CCDC85A: variants seen among roughly 807,000 people sequenced by gnomAD.
CCDC85A encodes coiled-coil domain containing 85A, also known as coiled-coil domain-containing protein 85A.
CCDC85A carries 38 observed loss-of-function variants against 50.2 expected under a neutral mutation model. That is an observed-to-expected ratio of 0.76 (90% CI 0.58 to 0.99). The LOEUF (loss-of-function observed/expected upper bound fraction) is 0.99. Ranked by LOEUF, CCDC85A falls within the 50% of genes least tolerant of loss-of-function variation. CCDC85A has a pLI of 0.00. For synonymous variants in CCDC85A, 366 were observed against 301.4 expected, an observed-to-expected ratio of 1.21 and a Z score of -2.22; for missense variants, 820 against 742.0, an observed-to-expected ratio of 1.11 and a Z score of -1.22.
intron 2 of CCDC85A, among the ~76,000 whole-genome samples, chr2:56,261,612 C>T (rs575292747): frequency 1.2e-3 from 183 of 152,246 alleles, no homozygotes; most frequent in Non-Finnish European, 2.0e-3. Flanking sequence ...TGGTAACATA[C>T]GCATGTCATG....
intron 3 of CCDC85A, among the ~76,000 whole-genome samples, chr2:56,362,137 A>G (rs568469235): frequency 2.6e-5 from 4 of 152,252 alleles, no homozygotes; most frequent in Non-Finnish European, 5.9e-5. Flanking sequence ...GAGACTATGC[A>G]GTGAATGGCA....
At chr2:56,271,917 C>T (rs1670718054) in intron 2 of CCDC85A, among the ~76,000 whole-genome samples, 1 of 152,058 alleles carries the variant, frequency 6.6e-6, no homozygotes, top group South Asian at 2.1e-4. Context: ...AGTCCTGTAC[C>T]ATTTGGATGT....
chr2:56,195,858 G>T (rs530860124), intron 2 of CCDC85A, among the ~76,000 whole-genome samples: 1 of 152,230 alleles, frequency 6.6e-6, no homozygotes, highest in East Asian at 1.9e-4. Context: ...AAACAAATGG[G>T]AAGTGTGTGT....
At position 56,375,856 on chromosome 2, in the gene CCDC85A, G is replaced by C. The variant is rs769536086; in HGVS notation, c.1493G>C (p.Ser498Thr). 6.2e-7 allele frequency: 1 copy of C among 1,613,748 alleles called. No homozygotes were observed. The highest frequency in any genetic ancestry group is 2.2e-5 in the East Asian group (1 of 44,866). The change falls in exon 5 of 6, where the codon AGT becomes ACT. Residue 498 changes from serine (S) to threonine (T), a missense_variant. Physicochemically the swap from Ser to Thr is moderately conservative, Grantham distance 58. Transcript: ENST00000407595. Reference sequence around the variant, plus strand: ...TCATCAGGGGCTGATGGGAGTAACAGTTCACCCAACTCTGCAGCTAGCTTC... The same window carrying C: ...TCATCAGGGGCTGATGGGAGTAACACTTCACCCAACTCTGCAGCTAGCTTC... Reference protein sequence around the residue: ...RLSSGADGSNSSPNSAASFSG... With the variant: ...RLSSGADGSNTSPNSAASFSG...
intron 2 of CCDC85A, among the ~76,000 whole-genome samples, chr2:56,207,524 C>T (rs1464975352): frequency 6.6e-6 from 1 of 152,152 alleles, no homozygotes; most frequent in Non-Finnish European, 1.5e-5. Flanking sequence ...ATGGATGGTC[C>T]CACATAACAT....
intron 2 of CCDC85A, among the ~76,000 whole-genome samples, chr2:56,254,297 G>T (rs1457402849): frequency 1.3e-5 from 2 of 152,134 alleles, no homozygotes. Context: ...TTTCTCTGGT[G>T]ATGCTGTGTC....
chr2:56,233,759 C>T (rs577418149), intron 2 of CCDC85A, among the ~76,000 whole-genome samples: 2 of 152,212 alleles, frequency 1.3e-5, no homozygotes, highest in Non-Finnish European at 1.5e-5. Context: ...AGAATGGCCT[C>T]TGTAACCAAT....
intron 5 of CCDC85A, 74 bp downstream of exon 5, chr2:56,376,009 C>G: frequency 6.6e-7 from 1 of 1,504,922 alleles, no homozygotes. Context: ...TCTAGTAGTC[C>G]TCACAGTCTT....
intron 3 of CCDC85A, among the ~76,000 whole-genome samples, chr2:56,364,486 T>G (rs1675691748): frequency 6.6e-6 from 1 of 152,242 alleles, no homozygotes; most frequent in African/African-American, 2.4e-5. Context: ...GTTAATATCA[T>G]TTTAAATTTA....
intron 2 of CCDC85A, among the ~76,000 whole-genome samples, chr2:56,221,897 G>A (rs756869460): frequency 1.4e-4 from 22 of 152,062 alleles, no homozygotes; most frequent in Admixed American, 2.6e-4. Flanking sequence ...GTCCAAGAGC[G>A]TGGCACTGGT....
intron 2 of CCDC85A, among the ~76,000 whole-genome samples, chr2:56,208,368 A>G (rs1677037609): frequency 6.6e-6 from 1 of 152,150 alleles, no homozygotes; most frequent in Admixed American, 6.5e-5. Flanking sequence ...CTATTACCCC[A>G]TTGCACACAC....
chr2:56,344,287 G>A (rs1318682957), intron 3 of CCDC85A, among the ~76,000 whole-genome samples: 1 of 152,246 alleles, frequency 6.6e-6, no homozygotes, highest in Middle Eastern at 3.4e-3. Context: ...TTACTTGAAC[G>A]CAAGCACTGA....
intron 2 of CCDC85A, among the ~76,000 whole-genome samples, chr2:56,218,563 C>T (rs1292838760): frequency 6.6e-6 from 1 of 151,858 alleles, no homozygotes. Flanking sequence ...GTAATAATCA[C>T]CAACTTTATA....
At chr2:56,343,119 C>G (rs1411534428) in intron 3 of CCDC85A, among the ~76,000 whole-genome samples, 164 bp downstream of exon 3, 1 of 152,154 alleles carries the variant, frequency 6.6e-6, no homozygotes, top group Non-Finnish European at 1.5e-5. Flanking sequence ...TGATGGCCAT[C>G]ATCTTATCCA....
intron 2 of CCDC85A, among the ~76,000 whole-genome samples, chr2:56,299,117 C>T (rs1245995999): frequency 6.6e-6 from 1 of 152,262 alleles, no homozygotes; most frequent in African/African-American, 2.4e-5. Flanking sequence ...TTTCTGATAC[C>T]TCCGCTGTTT....
At chr2:56,201,282 A>T (rs987506459) in intron 2 of CCDC85A, among the ~76,000 whole-genome samples, 1 of 152,164 alleles carries the variant, frequency 6.6e-6, no homozygotes, top group Admixed American at 6.5e-5. Flanking sequence ...AAAACCTGGC[A>T]AACAAAATAT....
At chr2:56,218,049 T>A (rs1026421725) in intron 2 of CCDC85A, among the ~76,000 whole-genome samples, 1 of 151,840 alleles carries the variant, frequency 6.6e-6, no homozygotes, top group Non-Finnish European at 1.5e-5. Flanking sequence ...TGATACAACA[T>A]CTTGTGTGAA....
chr2:56,379,607 T>C (rs1368295892), intron 5 of CCDC85A: 1 of 153,698 alleles, frequency 6.5e-6, no homozygotes, highest in African/African-American at 2.4e-5. Context: ...ATTTAAAAAA[T>C]ATGTTTCCAT....
intron 3 of CCDC85A, among the ~76,000 whole-genome samples, chr2:56,351,856 A>C (rs1194151387): frequency 6.6e-6 from 1 of 151,958 alleles, no homozygotes; most frequent in Non-Finnish European, 1.5e-5. Flanking sequence ...CTTTAGTTTA[A>C]TTCGATCCCA....
Sources: gnomAD v4.1 joint callset for allele counts (sites outside exome capture counted in the v4.1 genomes callset) on GRCh38, gnomAD v4.1.1 for gene constraint, MANE v1.5 for transcripts, NCBI Gene and HGNC (gene_info 2026-07-23, HGNC 2026-07-21) for gene names.